The following PDE11A variants were observed in gnomAD, a reference collection of about 807,000 sequenced individuals.
PDE11A encodes the protein dual 3',5'-cyclic-AMP and -GMP phosphodiesterase 11A.
PDE11A carries 100 observed loss-of-function variants against 100.5 expected under a neutral mutation model. That is an observed-to-expected ratio of 1.00 (90% CI 0.85 to 1.18). The LOEUF is 1.18. Ranked by LOEUF, PDE11A falls within the 50% of genes most tolerant of loss-of-function variation. PDE11A has a pLI of 0.00. For synonymous variants in PDE11A, 381 were observed against 420.8 expected (o/e 0.91, Z 1.16); for missense variants, 1,141 against 1,152.6 (o/e 0.99, Z 0.15).
At chr2:177,762,292 C>T (rs2082181272) in intron 10 of PDE11A, among the ~76,000 whole-genome samples, 1 of 152,144 alleles carries the variant, frequency 6.6e-6, no homozygotes, top group Admixed American at 6.5e-5. Context: ...GGAAGGCCAC[C>T]CATTGTGATG....
chr2:177,643,162 C>T (rs1035147323), intron 19 of PDE11A, among the ~76,000 whole-genome samples: 2 of 152,098 alleles, frequency 1.3e-5, no homozygotes, highest in African/African-American at 4.8e-5. Context: ...TGAAAAGACA[C>T]CCGAATATGT....
At chr2:177,970,175 T>A (rs544823331) in intron 2 of PDE11A, among the ~76,000 whole-genome samples, 2 of 152,252 alleles carry the variant, frequency 1.3e-5, no homozygotes, top group African/African-American at 4.8e-5. Flanking sequence ...TGAGACTCAA[T>A]CCTGAAACCA....
At position 178,072,404 on chromosome 2, in the gene PDE11A, C is replaced by T. The variant is rs2087147242; in HGVS notation, c.34G>A (p.Glu12Lys). Reference sequence around the variant, plus strand: ...TCTGGGTGCCTGTCCAGGAAAGTTTCCACCTCCCCAAAGTCCAGGCGGGAG... The same window carrying T: ...TCTGGGTGCCTGTCCAGGAAAGTTTTCACCTCCCCAAAGTCCAGGCGGGAG... Reference protein sequence around the residue: ...AASRLDFGEVETFLDRHPELF... With the variant: ...AASRLDFGEVKTFLDRHPELF... The change falls in exon 1 of 20, where the codon GAA (glutamate) becomes AAA (lysine). Residue 12 changes from glutamate (E) to lysine (K), a missense_variant. Glu to Lys is a moderately conservative substitution (Grantham distance 56). Coordinates refer to ENST00000286063, the MANE Select transcript of PDE11A (RefSeq NM_016953.4). 1 of 1,613,512 alleles carries T rather than the reference C, an allele frequency of 6.2e-7. No homozygotes were observed. The highest frequency in any genetic ancestry group is 1.3e-5 in the African/African-American group (1 of 74,952).
chr2:177,981,252 A>C (rs2085878022), intron 2 of PDE11A, among the ~76,000 whole-genome samples: 1 of 150,602 alleles, frequency 6.6e-6, no homozygotes, highest in Non-Finnish European at 1.5e-5. Flanking sequence ...TATTTACTGT[A>C]TTAGTTTCCT....
In PDE11A at chr2:178,014,226, T is replaced by G. The variant is rs2086306023; in HGVS notation, c.1071+76A>C. On this transcript the variant is annotated intron_variant, in intron 2 of 19. Coordinates refer to ENST00000286063, the MANE Select transcript of PDE11A (RefSeq NM_016953.4). ...GCTAATCCAACAGCTATTCACATAA[T>G]TCCTGTCTTTTAAAGGAGAATAGCA... 13 of 1,128,356 alleles carry G rather than the reference T, an allele frequency of 1.2e-5. No individual in the cohort carries two copies. The East Asian group carries it at 3.1e-4, about 27-fold the overall frequency. 69.9% of individuals were successfully genotyped at this position (1,128,356 alleles called of 1,614,324 possible).
intron 9 of PDE11A, among the ~76,000 whole-genome samples, chr2:177,796,435 T>C (rs2082709298): frequency 1.3e-5 from 2 of 152,168 alleles, no homozygotes; most frequent in Non-Finnish European, 2.9e-5. Flanking sequence ...TGGGCTCCTC[T>C]GGATGCACCT....
intron 10 of PDE11A, among the ~76,000 whole-genome samples, chr2:177,735,926 C>T (rs923300832): frequency 1.3e-5 from 2 of 152,196 alleles, no homozygotes; most frequent in Non-Finnish European, 2.9e-5. Context: ...GCTCTGGTCC[C>T]AATTTTAGTT....
intron 5 of PDE11A, among the ~76,000 whole-genome samples, chr2:177,853,670 A>G (rs2083763579): frequency 3.3e-4 from 11 of 33,096 alleles, no homozygotes; most frequent in African/African-American, 6.9e-4. Context: ...ATATATATAT[A>G]TATATATATA....
intron 9 of PDE11A, among the ~76,000 whole-genome samples, chr2:177,780,037 A>T (rs1338918849): frequency 1.3e-5 from 2 of 152,234 alleles, no homozygotes; most frequent in African/African-American, 4.8e-5. Flanking sequence ...TGAAAACAAC[A>T]TTAATATCCT....
chr2:178,028,938 G>A (rs1162160177), intron 1 of PDE11A, among the ~76,000 whole-genome samples: 1 of 152,176 alleles, frequency 6.6e-6, no homozygotes, highest in African/African-American at 2.4e-5. Context: ...AACAGAAGCA[G>A]TAGAAATTGC....
chr2:177,957,117 T>G (rs917711703), intron 2 of PDE11A, among the ~76,000 whole-genome samples: 8 of 151,868 alleles, frequency 5.3e-5, no homozygotes, highest in African/African-American at 1.9e-4. Flanking sequence ...GGCTGGTCCA[T>G]AGATCAGACT....
chr2:177,864,673 A>G (rs1337080801), intron 5 of PDE11A, among the ~76,000 whole-genome samples: 1 of 152,174 alleles, frequency 6.6e-6, no homozygotes, highest in African/African-American at 2.4e-5. Flanking sequence ...AAATGGCATA[A>G]AGGGAGATAA....
At chr2:177,845,833 G>A (rs970490356) in intron 5 of PDE11A, among the ~76,000 whole-genome samples, 7 of 152,340 alleles carry the variant, frequency 4.6e-5, no homozygotes, top group South Asian at 2.1e-4. Context: ...GCTGGAGACC[G>A]GCCTGGCCAA....
Position 177,800,248 on chromosome 2 carries a change from C to A in PDE11A, c.1737+16581G>T, listed in dbSNP as rs1184440537. On this transcript the variant is annotated intron_variant, in intron 9 of 19. Transcript: ENST00000286063. The stretch of plus-strand genomic sequence containing the variant: ...GCTGTGGCATGATCATAGCTCAGTG[C>A]AGCCTCGAATTCCAGGGCTCAAGGG... 2.0e-5 allele frequency among the ~76,000 whole-genome samples: 3 copies of A among 151,846 alleles called. No homozygotes were observed. The East Asian group carries it at 5.8e-4, about 29-fold the overall frequency.
intron 10 of PDE11A, among the ~76,000 whole-genome samples, chr2:177,766,875 T>C (rs1266246981): frequency 6.6e-6 from 1 of 152,244 alleles, no homozygotes; most frequent in African/African-American, 2.4e-5. Context: ...ATCAGTTAAA[T>C]TATTAATCTT....
intron 15 of PDE11A, chr2:177,688,094 G>A (rs2080982353): frequency 3.3e-5 from 5 of 152,312 alleles, no homozygotes; most frequent in Admixed American, 2.6e-4. Context: ...AAACCTTTGG[G>A]CCAGATAGCT....
chr2:178,107,088 T>G (rs55921190), intron 1 of PDE11A, among the ~76,000 whole-genome samples: 3,838 of 152,126 alleles, frequency 0.025, 164 homozygotes, highest in African/African-American at 0.088. Flanking sequence ...AACTACAGAT[T>G]TCACATTAAA....
intron 6 of PDE11A, among the ~76,000 whole-genome samples, chr2:177,830,916 C>T (rs1364318217): frequency 6.6e-6 from 1 of 152,080 alleles, no homozygotes; most frequent in Non-Finnish European, 1.5e-5. Flanking sequence ...ACAGAATAAA[C>T]AGTGATTTTC....
At chr2:177,880,819 T>A (rs1038452504) in intron 4 of PDE11A, among the ~76,000 whole-genome samples, 11 of 152,198 alleles carry the variant, frequency 7.2e-5, no homozygotes, top group African/African-American at 2.4e-4. Context: ...TGGTTAAATA[T>A]TGATTATCCA....
Sources: gnomAD v4.1 joint callset for allele counts (sites outside exome capture counted in the v4.1 genomes callset) on GRCh38, gnomAD v4.1.1 for gene constraint, MANE v1.5 for transcripts, NCBI Gene and HGNC (gene_info 2026-07-23, HGNC 2026-07-21) for gene names.